The following MTRR variants were observed in gnomAD, a reference collection of about 807,000 sequenced individuals.
The protein encoded by MTRR is methionine synthase reductase.
A neutral mutation model predicts 79.2 loss-of-function variants in MTRR; 63 were observed. The ratio of observed to expected loss-of-function variants is 0.80; its 90% confidence interval spans 0.65 to 0.98. The LOEUF (loss-of-function observed/expected upper bound fraction) is 0.98, where lower values mean the gene tolerates loss of function less well. Among genes scored for constraint, MTRR ranks in the 50% least tolerant of loss-of-function variants. MTRR has a pLI of 0.00. For synonymous variants in MTRR, 355 were observed against 313.3 expected (o/e 1.13, Z -1.41); for missense variants, 895 against 839.6 (o/e 1.07, Z -0.82).
chr5:7,889,303 G>A, intron 9 of MTRR, 28 bp downstream of exon 9: 1 of 1,612,004 alleles, frequency 6.2e-7, no homozygotes, highest in Non-Finnish European at 8.5e-7. Flanking sequence ...CAAGCACCTT[G>A]GTGGCTGTTC....
At chr5:7,870,046 G>GAA (rs1316092834) in intron 1 of MTRR, 1 of 985,204 alleles carries the variant, frequency 1.0e-6, no homozygotes, top group Non-Finnish European at 1.2e-6. Flanking sequence ...GATGAGTATG[G>GAA]AAAAAAATCT....
chr5:7,856,169 T>C (rs1236387057), intron 1 of MTRR, among the ~76,000 whole-genome samples: 3 of 152,172 alleles, frequency 2.0e-5, no homozygotes, highest in Non-Finnish European at 4.4e-5. Context: ...TGGAACGTTG[T>C]ATGCAAAATT....
chr5:7,869,167 T>G lies in MTRR; in HGVS notation c.-74T>G, dbSNP rs1747368971. On this transcript the variant is annotated 5_prime_UTR_variant, in exon 1 of 15. Transcript: ENST00000440940. ...TGCGTCAGTGCGCGCTGGCGCAAGG[T>G]TGGTGGAAGTCGCGTTGTGCAGGTT... The G allele has an allele frequency of 3.1e-6, 5 of 1,612,446 alleles. No individual in the cohort carries two copies. The African/African-American group carries it at 5.3e-5, about 17-fold the overall frequency.
At chr5:7,869,019 G>C (rs1384588625), upstream of MTRR, 2 of 1,267,146 alleles carry the variant, frequency 1.6e-6, no homozygotes, top group East Asian at 4.6e-5. Context: ...TCGCGGAAGC[G>C]CCTGGGCGTC....
chr5:7,900,149 GA>G lies in MTRR; in HGVS notation c.*95del. ...GTGCCAAACCTTTAAATTTTCAAAAGAAAATTTTCTTTCAACATTTCTTGAA... is the reference window on the plus strand; with the variant it reads ...GTGCCAAACCTTTAAATTTTCAAAAGAAATTTTCTTTCAACATTTCTTGAA... On this transcript the variant is annotated 3_prime_UTR_variant, in exon 15 of 15. Coordinates refer to ENST00000440940, the MANE Select transcript of MTRR (RefSeq NM_002454.3). The G allele has an allele frequency of 6.7e-7, 1 of 1,482,300 alleles. No individual in the cohort carries two copies. The highest frequency in any genetic ancestry group is 9.2e-7 in the Non-Finnish European group (1 of 1,088,716). 91.8% of individuals were successfully genotyped at this position (1,482,300 alleles called of 1,614,324 possible). A position where few individuals can be genotyped will look rare whatever the true frequency, so the allele number is the denominator to read the frequency against.
chr5:7,877,134 G>T (rs1333432471), intron 4 of MTRR, among the ~76,000 whole-genome samples: 1 of 152,148 alleles, frequency 6.6e-6, no homozygotes, highest in African/African-American at 2.4e-5. Flanking sequence ...TTAGGAATTA[G>T]AATTTAATTG....
chr5:7,898,057 T>C (rs1738836505), intron 14 of MTRR, among the ~76,000 whole-genome samples: 1 of 152,226 alleles, frequency 6.6e-6, no homozygotes. Flanking sequence ...TGATCATTTC[T>C]CTTCCATTTT....
intron 3 of MTRR, among the ~76,000 whole-genome samples, chr5:7,874,921 G>C (rs1216535602): frequency 6.6e-6 from 1 of 152,180 alleles, no homozygotes; most frequent in Admixed American, 6.5e-5. Context: ...AAAATGTACA[G>C]ATGACAGATA....
At chr5:7,883,901 C>T (rs990950496) in intron 6 of MTRR, among the ~76,000 whole-genome samples, 3 of 152,182 alleles carry the variant, frequency 2.0e-5, no homozygotes, top group Admixed American at 6.5e-5. Context: ...TAAGGTCAAA[C>T]GAGGTGGCTC....
chr5:7,850,948 T>C (rs529905773), upstream of MTRR: 2 of 1,342,824 alleles, frequency 1.5e-6, no homozygotes, highest in South Asian at 5.0e-5. Context: ...GAAGGCGGAC[T>C]GCGCCGAGAC....
upstream of MTRR, among the ~76,000 whole-genome samples, chr5:7,868,828 A>C (rs1293879161): frequency 6.6e-6 from 1 of 152,112 alleles, no homozygotes; most frequent in Non-Finnish European, 1.5e-5. Flanking sequence ...CCTAGGAATG[A>C]AAGGGACCCG....
At chr5:7,867,064 C>T (rs150587526), upstream of MTRR, 15 of 1,613,986 alleles carry the variant, frequency 9.3e-6, no homozygotes, top group African/African-American at 1.2e-4. Context: ...AATATATGAA[C>T]GCCTCCAAGA....
intron 13 of MTRR, 42 bp downstream of exon 13, chr5:7,896,998 C>T: frequency 6.2e-7 from 1 of 1,611,038 alleles, no homozygotes; most frequent in Non-Finnish European, 8.5e-7. Flanking sequence ...ACTGAGTGTA[C>T]AATTCTAATT....
chr5:7,861,504 A>G (rs1579533145), intron 1 of MTRR: 8 of 1,043,662 alleles, frequency 7.7e-6, no homozygotes, highest in East Asian at 5.5e-5. Context: ...TATTTTTTTC[A>G]CCTTCTTGAG....
intron 13 of MTRR, 49 bp downstream of exon 13, chr5:7,897,005 A>C (rs781125849): frequency 6.2e-7 from 1 of 1,611,576 alleles, no homozygotes; most frequent in Non-Finnish European, 8.5e-7. Flanking sequence ...GTACAATTCT[A>C]ATTCTCAGAC....
intron 2 of MTRR, among the ~76,000 whole-genome samples, chr5:7,873,142 C>A (rs539353684): frequency 6.6e-6 from 1 of 152,308 alleles, no homozygotes; most frequent in South Asian, 2.1e-4. Context: ...TCCCCCCCAA[C>A]CTCTTGATGA....
Position 7,878,224 on chromosome 5 carries a change from C to G in MTRR, c.682C>G (p.Leu228Val). Residue 228 changes from leucine (L) to valine (V), a missense_variant, in exon 5 of 15, where the codon CTT (leucine) becomes GTT (valine). Physicochemically the swap from Leu to Val is conservative, Grantham distance 32. Coordinates refer to ENST00000440940, the MANE Select transcript of MTRR (RefSeq NM_002454.3). ...TGTAATTGAAGACTTTGAGTCCTCA[C>G]TTACCCGTTCGGTACCCCCACTCTC... ...NVVIEDFESS[L>V]TRSVPPLSQA... 1 of 1,614,208 alleles carries G rather than the reference C, an allele frequency of 6.2e-7. No individual in the cohort carries two copies.
chr5:7,866,913 C>T, upstream of MTRR: 3 of 1,614,136 alleles, frequency 1.9e-6, no homozygotes, highest in Non-Finnish European at 2.5e-6. Flanking sequence ...TCTGCCACTG[C>T]ATTGAGGATG....
At chr5:7,867,979 C>G (rs1295661904), upstream of MTRR, 1 of 1,614,102 alleles carries the variant, frequency 6.2e-7, no homozygotes, top group Admixed American at 1.7e-5. Flanking sequence ...CCTTGACTAC[C>G]TTGTGAACAT....
Sources: allele counts gnomAD v4.1 joint callset (sites outside exome capture counted in the v4.1 genomes callset), GRCh38; gene constraint gnomAD v4.1.1; transcripts MANE v1.5; gene names NCBI Gene and HGNC (gene_info 2026-07-23, HGNC 2026-07-21).